Variants in LGSN observed in about 807,000 individuals in gnomAD.
The protein encoded by LGSN is lengsin, lens protein with glutamine synthetase domain.
LGSN carries 21 observed loss-of-function variants against 19.5 expected under a neutral mutation model. The observed-to-expected ratio is 1.07, with a 90% CI of 0.76 to 1.55. The LOEUF is 1.55. LGSN is among the 40% of genes most tolerant of loss of function. The probability of loss-of-function intolerance (pLI) is 0.00; values close to 1 mark genes in which losing one functional copy is unlikely to be tolerated. For synonymous variants in LGSN, 257 were observed against 215.6 expected (o/e 1.19, Z -1.68); for missense variants, 673 against 608.5 (o/e 1.11, Z -1.12).
At chr6:63,506,225 G>GTTC in the LGSN span, among the ~76,000 whole-genome samples, 5 of 121,912 alleles carry the variant, frequency 4.1e-5, no homozygotes, top group East Asian at 1.1e-3. Flanking sequence ...AAGGAGATAA[G>GTTC]TTCTTCTTGT....
the LGSN span, among the ~76,000 whole-genome samples, chr6:63,438,081 T>C: frequency 6.6e-6 from 1 of 152,200 alleles, no homozygotes; most frequent in South Asian, 2.1e-4. Flanking sequence ...ATTTGGCATT[T>C]CTTACACGGT....
At chr6:63,504,239 C>A in the LGSN span, among the ~76,000 whole-genome samples, 1 of 119,004 alleles carries the variant, frequency 8.4e-6, no homozygotes, top group East Asian at 2.3e-4. Flanking sequence ...CTGGTTCAAG[C>A]GATTCTTTTT....
the LGSN span, among the ~76,000 whole-genome samples, chr6:63,371,587 A>C: frequency 6.6e-6 from 1 of 152,202 alleles, no homozygotes; most frequent in Non-Finnish European, 1.5e-5. Context: ...AGCCAAAAGG[A>C]AAGGAAGTCG....
At chr6:63,405,167 G>A in the LGSN span, among the ~76,000 whole-genome samples, 1 of 151,786 alleles carries the variant, frequency 6.6e-6, no homozygotes, top group African/African-American at 2.4e-5. Context: ...AGTATTCCAT[G>A]GTGTATATGT....
the LGSN span, among the ~76,000 whole-genome samples, chr6:63,366,564 T>G: frequency 2.0e-5 from 3 of 152,146 alleles, no homozygotes; most frequent in Non-Finnish European, 2.9e-5. Context: ...ACCAATGACT[T>G]TCTTCACAGA....
intron 2 of LGSN, among the ~76,000 whole-genome samples, chr6:63,293,113 C>A (rs781171751): frequency 6.6e-6 from 1 of 152,140 alleles, no homozygotes; most frequent in African/African-American, 2.4e-5. Flanking sequence ...GATCCTCCCA[C>A]CTCATTCCCC....
intron 1 of LGSN, among the ~76,000 whole-genome samples, chr6:63,299,371 G>A (rs1213466815): frequency 6.6e-6 from 1 of 152,136 alleles, no homozygotes; most frequent in Non-Finnish European, 1.5e-5. Context: ...CTCCTCTAAA[G>A]TACCTTTTCC....
At chr6:63,290,135 C>A (rs1374154935) in intron 2 of LGSN, among the ~76,000 whole-genome samples, 2 of 151,748 alleles carry the variant, frequency 1.3e-5, no homozygotes, top group African/African-American at 4.8e-5. Context: ...AAATTCCTTA[C>A]ACTTATTTTG....
chr6:63,559,837 G>A, the LGSN span, among the ~76,000 whole-genome samples: 10 of 152,102 alleles, frequency 6.6e-5, no homozygotes, highest in Admixed American at 6.6e-4. Context: ...GGTTTGCCCA[G>A]GCTGGTTTCG....
At chr6:63,529,581 G>A in the LGSN span, among the ~76,000 whole-genome samples, 27 of 152,154 alleles carry the variant, frequency 1.8e-4, no homozygotes, top group Non-Finnish European at 2.9e-4. Flanking sequence ...TTGTAGAGGA[G>A]GGGCTTAAAC....
At chr6:63,525,833 T>C in the LGSN span, among the ~76,000 whole-genome samples, 1 of 152,204 alleles carries the variant, frequency 6.6e-6, no homozygotes, top group Non-Finnish European at 1.5e-5. Flanking sequence ...CTTAAAATAG[T>C]TGGTGTGGTT....
the LGSN span, among the ~76,000 whole-genome samples, chr6:63,555,426 A>T: frequency 1.3e-5 from 2 of 152,252 alleles, no homozygotes; most frequent in Non-Finnish European, 2.9e-5. Context: ...GCCAAAAAGT[A>T]TCTCCCTTTC....
the LGSN span, among the ~76,000 whole-genome samples, chr6:63,559,736 C>T: frequency 6.6e-6 from 1 of 151,314 alleles, no homozygotes; most frequent in Non-Finnish European, 1.5e-5. Context: ...CAGAATGAGA[C>T]TCTGTCTCAA....
chr6:63,450,193 C>CCA, the LGSN span, among the ~76,000 whole-genome samples: 1 of 94,814 alleles, frequency 1.1e-5, no homozygotes, highest in African/African-American at 5.2e-5. Flanking sequence ...CTAAAAAATG[C>CCA]AAAAAAAAAA....
chr6:63,489,418 G>C, the LGSN span, among the ~76,000 whole-genome samples: 1 of 151,982 alleles, frequency 6.6e-6, no homozygotes, highest in Non-Finnish European at 1.5e-5. Flanking sequence ...ACTCAGGCTG[G>C]AGTGCAGTGG....
the LGSN span, among the ~76,000 whole-genome samples, chr6:63,510,918 T>C: frequency 1.3e-5 from 2 of 151,992 alleles, no homozygotes; most frequent in Admixed American, 6.6e-5. Context: ...CAGGTGATCA[T>C]CCTGCCTCTG....
chr6:63,523,750 A>G, the LGSN span, among the ~76,000 whole-genome samples: 30 of 152,132 alleles, frequency 2.0e-4, no homozygotes, highest in African/African-American at 6.7e-4. Flanking sequence ...TAAGCTCATC[A>G]GCTATCGTTA....
chr6:63,491,756 C>A, the LGSN span, among the ~76,000 whole-genome samples: 6 of 152,276 alleles, frequency 3.9e-5, no homozygotes, highest in Non-Finnish European at 7.3e-5. Context: ...TGTGGCCGGG[C>A]GCGGTGGCTC....
the LGSN span, among the ~76,000 whole-genome samples, chr6:63,437,687 C>T: frequency 6.6e-5 from 10 of 152,146 alleles, no homozygotes; most frequent in African/African-American, 2.4e-4. Flanking sequence ...AATCCCAGCA[C>T]TTTGGGAGGC....
Sources: allele counts gnomAD v4.1 joint callset (sites outside exome capture counted in the v4.1 genomes callset), GRCh38; gene constraint gnomAD v4.1.1; transcripts MANE v1.5; gene names NCBI Gene and HGNC (gene_info 2026-07-23, HGNC 2026-07-21).